GLIS3: variants seen among roughly 807,000 people sequenced by gnomAD.
The protein encoded by GLIS3 is GLIS family zinc finger 3.
A neutral mutation model predicts 78.6 loss-of-function variants in GLIS3; 53 were observed. The observed-to-expected ratio is 0.67, with a 90% CI of 0.54 to 0.85. GLIS3 has a LOEUF of 0.85. Among genes scored for constraint, GLIS3 ranks in the 40% least tolerant of loss-of-function variants. The probability of loss-of-function intolerance (pLI) is 0.00; values close to 1 mark genes in which losing one functional copy is unlikely to be tolerated. For missense variants in GLIS3, 1,703 were observed against 1,231.1 expected (o/e 1.38, Z -5.74); for synonymous variants, 684 against 509.9 (o/e 1.34, Z -4.60).
the GLIS3 span, among the ~76,000 whole-genome samples, chr9:4,385,814 GAAAGAAAGAGAAAA>G: frequency 4.9e-5 from 2 of 41,054 alleles, no homozygotes; most frequent in Non-Finnish European, 1.1e-4. Context: ...AGAAAGAAAA[GAAAGAAAGAGAAAA>G]GAAAGAAAAA....
chr9:3,847,492 C>A (rs986711019), intron 9 of GLIS3, among the ~76,000 whole-genome samples: 1 of 152,234 alleles, frequency 6.6e-6, no homozygotes, highest in African/African-American at 2.4e-5. Context: ...ATAGTTGATT[C>A]AATCATTTAA....
At chr9:4,105,353 T>C (rs1021450292) in intron 4 of GLIS3, among the ~76,000 whole-genome samples, 3 of 152,194 alleles carry the variant, frequency 2.0e-5, no homozygotes, top group Non-Finnish European at 4.4e-5. Context: ...GGCACAGCTG[T>C]TTGACAAGTG....
chr9:4,288,015 C>T (rs186345444), intron 1 of GLIS3, among the ~76,000 whole-genome samples: 11 of 152,138 alleles, frequency 7.2e-5, no homozygotes, highest in Admixed American at 2.0e-4. Context: ...CACTCAGCCA[C>T]ATTCCTCTAA....
chr9:4,306,192 G>C (rs1817223445), intron 4 of GLIS3: 1 of 152,196 alleles, frequency 6.6e-6, no homozygotes, highest in African/African-American at 2.4e-5. Flanking sequence ...TGATCCTCTT[G>C]CCTCAGCCTC....
chr9:4,016,026 G>A (rs556665271), intron 4 of GLIS3, among the ~76,000 whole-genome samples: 3 of 152,014 alleles, frequency 2.0e-5, no homozygotes, highest in Non-Finnish European at 4.4e-5. Flanking sequence ...GAATTCAAAG[G>A]TTGTTTGTGG....
the GLIS3 span, among the ~76,000 whole-genome samples, chr9:4,364,552 C>G: frequency 2.6e-5 from 4 of 151,848 alleles, no homozygotes; most frequent in African/African-American, 9.7e-5. Context: ...AAAACAATAT[C>G]CATAATGCAA....
At chr9:3,865,220 C>A (rs1820493526) in intron 8 of GLIS3, among the ~76,000 whole-genome samples, 1 of 152,142 alleles carries the variant, frequency 6.6e-6, no homozygotes. Flanking sequence ...ATGAACTTTG[C>A]CTCTGGGTTT....
chr9:3,862,194 A>G (rs1820256695), intron 8 of GLIS3, among the ~76,000 whole-genome samples: 1 of 152,230 alleles, frequency 6.6e-6, no homozygotes, highest in Non-Finnish European at 1.5e-5. Context: ...TTAAAGTCAC[A>G]AAGGTAAGAA....
chr9:4,377,314 T>A, the GLIS3 span, among the ~76,000 whole-genome samples: 1 of 135,330 alleles, frequency 7.4e-6, no homozygotes, highest in Non-Finnish European at 1.7e-5. Context: ...CTGGCTTTCA[T>A]CTTTCTCCCA....
At chr9:4,068,525 C>G (rs1296686041) in intron 4 of GLIS3, among the ~76,000 whole-genome samples, 1 of 152,030 alleles carries the variant, frequency 6.6e-6, no homozygotes, top group Non-Finnish European at 1.5e-5. Context: ...AATTTATATC[C>G]TTTATAGCTA....
At chr9:4,137,419 T>C (rs886618189) in intron 2 of GLIS3, among the ~76,000 whole-genome samples, 8 of 152,158 alleles carry the variant, frequency 5.3e-5, no homozygotes, top group Non-Finnish European at 7.3e-5. Context: ...GTCCACCAAG[T>C]ATGGAATCAC....
At chr9:4,379,127 A>T in the GLIS3 span, among the ~76,000 whole-genome samples, 1 of 152,174 alleles carries the variant, frequency 6.6e-6, no homozygotes, top group African/African-American at 2.4e-5. Context: ...GACTGTAGGA[A>T]GGCGGATATG....
the GLIS3 span, among the ~76,000 whole-genome samples, chr9:4,419,318 G>C: frequency 9.2e-5 from 14 of 152,264 alleles, no homozygotes; most frequent in South Asian, 1.0e-3. Flanking sequence ...AAATACCTGA[G>C]ACTGGGTAAC....
the GLIS3 span, among the ~76,000 whole-genome samples, chr9:4,405,041 T>A: frequency 5.3e-5 from 8 of 152,104 alleles, no homozygotes; most frequent in East Asian, 1.5e-3. Context: ...AAGGAGACAT[T>A]AGAACTGATA....
Position 3,825,361 on chromosome 9 carries a change from C to G in GLIS3, c.*2911G>C, listed in dbSNP as rs1454050200. 1 of 152,010 alleles carries G rather than the reference C, an allele frequency of 6.6e-6. No individual in the cohort carries two copies. Among genetic ancestry groups the G allele is most frequent in the Non-Finnish European group, 1.5e-5 (1 of 68,018 alleles). The allele number at this position is 152,010 out of a possible 1,614,324, so 9.4% of individuals were successfully genotyped here. A position where few individuals can be genotyped will look rare whatever the true frequency, so the allele number is the denominator to read the frequency against. ...CAGCTGATCAGAGGCTAAATTACAA[C>G]TGACATTTTGATGCAGTTTCGTTAG... On this transcript the variant is annotated 3_prime_UTR_variant, in exon 11 of 11. Transcript: ENST00000381971.
At chr9:4,173,275 ATTAAGGCT>A (rs1291375489) in intron 2 of GLIS3, among the ~76,000 whole-genome samples, 2 of 152,208 alleles carry the variant, frequency 1.3e-5, no homozygotes, top group Non-Finnish European at 2.9e-5. Flanking sequence ...CTCCTATTAT[ATTAAGGCT>A]TTAATGCCTT....
chr9:4,027,048 A>G (rs894248849), intron 4 of GLIS3, among the ~76,000 whole-genome samples: 8 of 152,164 alleles, frequency 5.3e-5, no homozygotes, highest in African/African-American at 1.7e-4. Context: ...GATCCTTTAC[A>G]TGTCAACCCT....
intron 6 of GLIS3, chr9:3,899,066 TC>T: frequency 1.7e-6 from 1 of 580,912 alleles, no homozygotes; most frequent in South Asian, 1.9e-5. Context: ...GGATTTGACT[TC>T]AGTCCTTGAT....
intron 4 of GLIS3, among the ~76,000 whole-genome samples, chr9:4,050,465 G>A (rs945442304): frequency 7.9e-5 from 12 of 152,104 alleles, no homozygotes; most frequent in Admixed American, 2.6e-4. Context: ...GGGTCTGGGG[G>A]AGGGATAGCG....
Sources: allele counts gnomAD v4.1 joint callset (sites outside exome capture counted in the v4.1 genomes callset), GRCh38; gene constraint gnomAD v4.1.1; transcripts MANE v1.5; gene names NCBI Gene and HGNC (gene_info 2026-07-23, HGNC 2026-07-21).